The following UBR4 variants were observed in gnomAD, a reference collection of about 807,000 sequenced individuals.
UBR4 encodes ubiquitin protein ligase E3 component n-recognin 4.
In UBR4, 124 loss-of-function variants were observed where a neutral mutation model predicts 575.6. The observed-to-expected ratio is 0.22, with a 90% CI of 0.19 to 0.25. The LOEUF (loss-of-function observed/expected upper bound fraction) is 0.25. UBR4 is among the 10% of genes least tolerant of loss of function. The pLI is 1.00. For missense variants in UBR4, 4,818 were observed against 6,478.8 expected (o/e 0.74, Z 8.80); for synonymous variants, 2,455 against 2,473.7 (o/e 0.99, Z 0.22).
In UBR4 at chr1:19,160,199, G is replaced by A. The variant is rs2087104432; in HGVS notation, c.5489C>T (p.Ser1830Leu). ...AGCACGGCTGCTGCTCCCGACGGCT[G>A]AAGCTTGCTGGAAGTTGGTCTGAAT... ...DAIQTNFQQA[S>L]AVGSSSRAQQ... is the part of the protein sequence containing the mutation. The change falls in exon 39 of 106, where the codon TCA (serine) becomes TTA (leucine). Residue 1830 changes from serine (S) to leucine (L), a missense_variant. Physicochemically the swap from Ser to Leu is moderately radical, Grantham distance 145. Transcript: ENST00000375254. 1 of 1,613,832 alleles carries A rather than the reference G, an allele frequency of 6.2e-7. No individual in the cohort carries two copies.
intron 26 of UBR4, among the ~76,000 whole-genome samples, chr1:19,170,032 C>T (rs1007030477): frequency 2.6e-5 from 4 of 152,254 alleles, no homozygotes; most frequent in African/African-American, 4.8e-5. Context: ...AAAATACAAA[C>T]GATTGATTGT....
Position 19,202,994 on chromosome 1 carries a change from T to C in UBR4, c.177-1179A>G, listed in dbSNP as rs374363700. ...CTACTCAGAAGGCTGAGGTAGAGAATTGCTTGAACCCAGAAGGTAGAGGCT... is the reference window on the plus strand; with the variant it reads ...CTACTCAGAAGGCTGAGGTAGAGAACTGCTTGAACCCAGAAGGTAGAGGCT... On this transcript the variant is annotated intron_variant, in intron 1 of 105. Coordinates refer to ENST00000375254, the MANE Select transcript of UBR4 (RefSeq NM_020765.3). 1.2e-4 allele frequency among the ~76,000 whole-genome samples: 18 copies of C among 151,682 alleles called. No individual in the cohort carries two copies. In the South Asian group the frequency reaches 1.7e-3, roughly 14 times the overall value.
Position 19,198,142 on chromosome 1 carries a change from A to G in UBR4, c.649-93T>C, listed in dbSNP as rs2092567107. On this transcript the variant is annotated intron_variant, in intron 5 of 105. Transcript: ENST00000375254. Reference sequence around the variant, plus strand: ...CAGTAGCTGCACGGATACTCTCCAGACTCCCCAGTTAGTGAAGGGAAAATT... The same window carrying G: ...CAGTAGCTGCACGGATACTCTCCAGGCTCCCCAGTTAGTGAAGGGAAAATT... 6 of 1,239,606 alleles carry G rather than the reference A, an allele frequency of 4.8e-6. No homozygotes were observed. The East Asian group carries it at 1.4e-4, about 29-fold the overall frequency. The allele number at this position is 1,239,606 out of a possible 1,614,324, so 76.8% of individuals were successfully genotyped here. A position where few individuals can be genotyped will look rare whatever the true frequency, so the allele number is the denominator to read the frequency against.
intron 38 of UBR4, 119 bp downstream of exon 38, chr1:19,160,798 T>A: frequency 1.0e-6 from 1 of 981,820 alleles, no homozygotes; most frequent in Non-Finnish European, 1.5e-6. Context: ...ATTCACACTA[T>A]GAAAATGGGT....
intron 83 of UBR4, 43 bp downstream of exon 83, chr1:19,106,526 G>A: frequency 1.3e-6 from 2 of 1,511,192 alleles, no homozygotes; most frequent in Non-Finnish European, 1.8e-6. Context: ...AGAGTCTGGG[G>A]TCAGGGGCGC....
At chr1:19,094,531 T>G (rs1403538298) in intron 94 of UBR4, among the ~76,000 whole-genome samples, 1 of 152,122 alleles carries the variant, frequency 6.6e-6, no homozygotes, top group Non-Finnish European at 1.5e-5. Flanking sequence ...TAGGCCTGAT[T>G]CCACCAGTAA....
In UBR4 at chr1:19,185,205, G is replaced by C. The variant is rs746402160; in HGVS notation, c.1832C>G (p.Pro611Arg). The change falls in exon 15 of 106, where the codon CCT becomes CGT. Residue 611 changes from proline (P) to arginine (R), a missense_variant. Physicochemically the swap from Pro to Arg is moderately radical, Grantham distance 103. This residue lies in a region of UBR4 where 1,172 missense variants were observed against 1,259.7 expected (regional missense o/e 0.93). Transcript: ENST00000375254. The stretch of plus-strand genomic sequence containing the variant: ...GCTTTCCAGTGGAGGAGGTGGGGGA[G>C]GAGGCGGAGGTGCTGCTTTCTCTTT... ...PSKEKAAPPP[P>R]PPPPPLESSP... is the part of the protein sequence containing the mutation. 1.2e-5 allele frequency: 19 copies of C among 1,613,946 alleles called. No homozygotes were observed. The South Asian group carries it at 2.1e-4, about 18-fold the overall frequency.
chr1:19,166,177 G>A (rs2088338413), intron 29 of UBR4, among the ~76,000 whole-genome samples: 1 of 152,212 alleles, frequency 6.6e-6, no homozygotes, highest in African/African-American at 2.4e-5. Context: ...ACAACGAAGA[G>A]ACAGGAAATT....
At position 19,209,943 on chromosome 1, in the gene UBR4, C is replaced by G. The variant is rs560640386; in HGVS notation, c.176+130G>C. ...CAAGCCAGTCTCCCCGGGCCCGGGA[C>G]CCCGAAGCCGTGGCTGTGGCGGGGA... On this transcript the variant is annotated intron_variant, in intron 1 of 105. Coordinates refer to ENST00000375254, the MANE Select transcript of UBR4 (RefSeq NM_020765.3). 61 of 1,340,032 alleles carry G rather than the reference C, an allele frequency of 4.6e-5. No homozygotes were observed. The South Asian group carries it at 1.0e-3, about 22-fold the overall frequency. The allele number at this position is 1,340,032 out of a possible 1,614,324, so 83.0% of individuals were successfully genotyped here. A position where few individuals can be genotyped will look rare whatever the true frequency, so the allele number is the denominator to read the frequency against.
At chr1:19,169,296 G>A (rs1473950883) in intron 27 of UBR4, 139 bp downstream of exon 27, 2 of 608,576 alleles carry the variant, frequency 3.3e-6, no homozygotes, top group Non-Finnish European at 5.2e-6. Flanking sequence ...ATTGATTAAT[G>A]ATTCAGCCAT....
At chr1:19,187,625 G>T in intron 11 of UBR4, 85 bp from the exon 12 acceptor site, 1 of 1,382,774 alleles carries the variant, frequency 7.2e-7, no homozygotes, top group East Asian at 2.4e-5. Flanking sequence ...TGCCATTTTG[G>T]GGTTTCAGAC....
chr1:19,148,712 C>A, intron 49 of UBR4, 86 bp from the exon 50 acceptor site: 1 of 1,436,306 alleles, frequency 7.0e-7, no homozygotes, highest in East Asian at 2.3e-5. Flanking sequence ...TCATGAGGAC[C>A]TTGGGGACAG....
chr1:19,104,743 C>G, intron 85 of UBR4, 77 bp from the exon 86 acceptor site: 7 of 1,445,452 alleles, frequency 4.8e-6, no homozygotes, highest in Non-Finnish European at 6.7e-6. Flanking sequence ...GTCCCAGGAG[C>G]TTGCAGCACC....
At chr1:19,159,772 G>GT (rs141318465) in intron 39 of UBR4, among the ~76,000 whole-genome samples, 6,290 of 151,858 alleles carry the variant, frequency 0.041, 369 homozygotes, top group African/African-American at 0.12. Flanking sequence ...TAAATTTTTT[G>GT]TGTGTTTTTT....
chr1:19,093,622 GC>G lies in UBR4; in HGVS notation c.13938-137del. On this transcript the variant is annotated intron_variant, in intron 95 of 105. Coordinates refer to ENST00000375254, the MANE Select transcript of UBR4 (RefSeq NM_020765.3). The surrounding 1 kb of genome is among the most constrained non-coding windows in gnomAD (Gnocchi z 4.8). ...CCTAACGTGACACAAAGACCTATCT[GC>G]CCCGGCTCCTGCCACTCTCCCTGTT... The G allele has an allele frequency of 3.1e-6, 3 of 966,724 alleles. No homozygotes were observed. The highest frequency in any genetic ancestry group is 3.4e-5 in the South Asian group (2 of 59,468). The allele number at this position is 966,724 out of a possible 1,614,324, so 59.9% of individuals were successfully genotyped here.
At position 19,081,466 on chromosome 1, in the gene UBR4, G is replaced by A. The variant is rs758665017; in HGVS notation, c.15116C>T (p.Thr5039Ile). 6.2e-6 allele frequency: 10 copies of A among 1,613,986 alleles called. No homozygotes were observed. In the South Asian group the frequency reaches 9.9e-5, roughly 16 times the overall value. Residue 5039 changes from threonine (T) to isoleucine (I), a missense_variant, in exon 103 of 106, where the codon ACA becomes ATA. Transcript: ENST00000375254. The stretch of plus-strand genomic sequence containing the variant: ...GGGCAGGATGTGAAGGGCCAAGACT[G>A]TGAAATAGTAGGGCCCGTCCACTTC... ...AFEVDGPYYF[T>I]VLALHILPPE...
chr1:19,117,337 G>A lies in UBR4; in HGVS notation c.10707C>T (p.His3569=). The A allele has an allele frequency of 6.2e-7, 1 of 1,614,208 alleles. No homozygotes were observed. Among genetic ancestry groups the A allele is most frequent in the Non-Finnish European group, 8.5e-7 (1 of 1,180,034 alleles). ...TTTTCACTGTCACTTTGCTGATGGT[G>A]TGACTGCCAATGAGCTTCACAACCT... is the stretch of plus-strand genomic sequence containing the variant. ...TQQVVKLIGS[H]TISKVTVKIG... Residue 3569 remains histidine, a synonymous_variant, in exon 73 of 106, where the codon CAC becomes CAT. Transcript: ENST00000375254. The surrounding 1 kb of genome is among the most constrained non-coding windows in gnomAD (Gnocchi z 4.0).
chr1:19,110,048 G>T lies in UBR4; in HGVS notation c.12105+48C>A. 1 of 1,610,694 alleles carries T rather than the reference G, an allele frequency of 6.2e-7. No individual in the cohort carries two copies. Among genetic ancestry groups the T allele is most frequent in the South Asian group, 1.1e-5 (1 of 90,660 alleles). On this transcript the variant is annotated intron_variant, in intron 81 of 105. Transcript: ENST00000375254. The surrounding 1 kb of genome is among the most constrained non-coding windows in gnomAD (Gnocchi z 4.5). ...AGGGCACACTGCCAGGGAATGAGGA[G>T]GGTGGCCGCCCTGCCCTTCCTTGTT... is the stretch of plus-strand genomic sequence containing the variant.
intron 52 of UBR4, chr1:19,146,143 G>T: frequency 6.7e-7 from 1 of 1,499,384 alleles, no homozygotes; most frequent in Non-Finnish European, 9.0e-7. Flanking sequence ...TTGTATGTTA[G>T]AATTAAGTAG....
Sources: allele counts gnomAD v4.1 joint callset (sites outside exome capture counted in the v4.1 genomes callset), GRCh38; gene constraint gnomAD v4.1.1; regional missense constraint gnomAD v4.1.1; non-coding constraint Gnocchi (gnomAD v3.1); transcripts MANE v1.5; gene names NCBI Gene and HGNC (gene_info 2026-07-23, HGNC 2026-07-21).